The following LPP variants were observed in gnomAD, a reference collection of about 807,000 sequenced individuals.
The protein encoded by LPP is LIM domain containing preferred translocation partner in lipoma.
LPP carries 38 observed loss-of-function variants against 60.4 expected under a neutral mutation model. The observed-to-expected ratio is 0.63, with a 90% CI of 0.49 to 0.83. The LOEUF is 0.83. Among genes scored for constraint, LPP ranks in the 40% least tolerant of loss-of-function variants. The probability of loss-of-function intolerance (pLI) is 0.00; values close to 1 mark genes in which losing one functional copy is unlikely to be tolerated. For synonymous variants in LPP, 328 were observed against 290.8 expected (o/e 1.13, Z -1.30); for missense variants, 902 against 783.6 (o/e 1.15, Z -1.80).
intron 7 of LPP, among the ~76,000 whole-genome samples, chr3:188,624,560 A>G (rs1846402232): frequency 6.6e-6 from 1 of 152,180 alleles, no homozygotes; most frequent in African/African-American, 2.4e-5. Flanking sequence ...AGAACCATGG[A>G]AGTGCGAACC....
intron 2 of LPP, among the ~76,000 whole-genome samples, chr3:188,287,454 C>T (rs1377277879): frequency 3.3e-5 from 5 of 152,156 alleles, no homozygotes; most frequent in Admixed American, 3.3e-4. Context: ...ATTCTCAATT[C>T]CCTGCTCTTT....
intron 7 of LPP, among the ~76,000 whole-genome samples, chr3:188,658,704 A>T (rs1239824745): frequency 6.6e-6 from 1 of 152,052 alleles, no homozygotes; most frequent in East Asian, 1.9e-4. Context: ...AGAGCTTCCT[A>T]CTCTGGGAAG....
intron 7 of LPP, among the ~76,000 whole-genome samples, chr3:188,636,798 G>C (rs191296992): frequency 6.6e-6 from 1 of 151,720 alleles, no homozygotes; most frequent in Non-Finnish European, 1.5e-5. Flanking sequence ...GCAGGGGCAC[G>C]CTGACACCTC....
At chr3:188,284,021 C>G (rs991649114) in intron 2 of LPP, among the ~76,000 whole-genome samples, 2 of 151,928 alleles carry the variant, frequency 1.3e-5, no homozygotes, top group Non-Finnish European at 2.9e-5. Flanking sequence ...AAGAGCTCCT[C>G]CTATGAAAGC....
rs532395549 is a variant in LPP at position 188,292,736 on chromosome 3, A to T, written c.-66-48927A>T. Among the ~76,000 whole-genome samples, 6 of 152,288 alleles carry T rather than the reference A, an allele frequency of 3.9e-5. No individual in the cohort carries two copies. In the East Asian group the frequency reaches 1.2e-3, roughly 29 times the overall value. ...ACACTACATGGTTTCTTAGGTGGCA[A>T]TTCTCAGTGAATTACCAGCTTCCTG... On this transcript the variant is annotated intron_variant, in intron 2 of 11. Coordinates refer to ENST00000617246, the MANE Select transcript of LPP (RefSeq NM_001375462.1).
At chr3:188,317,082 A>C (rs1028177603) in intron 2 of LPP, among the ~76,000 whole-genome samples, 1 of 152,184 alleles carries the variant, frequency 6.6e-6, no homozygotes, top group East Asian at 1.9e-4. Flanking sequence ...CTGGGTGCCA[A>C]TGGTGTTTCT....
intron 10 of LPP, among the ~76,000 whole-genome samples, chr3:188,867,732 G>A (rs1436674317): frequency 6.6e-6 from 1 of 152,088 alleles, no homozygotes; most frequent in Non-Finnish European, 1.5e-5. Context: ...GTGTTTGCTG[G>A]GCAGTGGCTT....
chr3:188,317,904 A>T (rs1035038353), intron 2 of LPP, among the ~76,000 whole-genome samples: 1 of 152,206 alleles, frequency 6.6e-6, no homozygotes, highest in African/African-American at 2.4e-5. Context: ...GAGTGAGGGC[A>T]TGTGATCGTG....
intron 2 of LPP, among the ~76,000 whole-genome samples, chr3:188,233,733 T>A (rs1720901796): frequency 6.6e-6 from 1 of 152,230 alleles, no homozygotes; most frequent in East Asian, 1.9e-4. Flanking sequence ...CTTCTACTCC[T>A]GTTTAAATCT....
chr3:188,754,763 A>G (rs1304232153), intron 8 of LPP, among the ~76,000 whole-genome samples: 1 of 152,296 alleles, frequency 6.6e-6, no homozygotes, highest in African/African-American at 2.4e-5. Context: ...CTATTATTAC[A>G]TGCATCAATA....
chr3:188,203,555 A>G (rs1298109121), intron 1 of LPP, among the ~76,000 whole-genome samples: 1 of 101,130 alleles, frequency 9.9e-6, no homozygotes, highest in Non-Finnish European at 1.8e-5. Context: ...ATATATTTTT[A>G]AATATATATA....
intron 7 of LPP, among the ~76,000 whole-genome samples, chr3:188,683,064 G>A (rs558005261): frequency 1.3e-5 from 2 of 152,216 alleles, no homozygotes; most frequent in East Asian, 3.9e-4. Context: ...TTCATCTAAA[G>A]TCCATTTGGG....
intron 9 of LPP, among the ~76,000 whole-genome samples, chr3:188,821,560 C>G (rs1309703829): frequency 6.6e-6 from 1 of 151,832 alleles, no homozygotes; most frequent in Non-Finnish European, 1.5e-5. Context: ...TAACCTTTTT[C>G]TTTTGCTTTT....
chr3:188,235,455 A>C (rs1721557609), intron 2 of LPP, among the ~76,000 whole-genome samples: 1 of 152,144 alleles, frequency 6.6e-6, no homozygotes, highest in South Asian at 2.1e-4. Context: ...GGTGGGGATA[A>C]AATGTTATAC....
At chr3:188,242,136 T>C (rs2149477670) in intron 2 of LPP, among the ~76,000 whole-genome samples, 1 of 152,312 alleles carries the variant, frequency 6.6e-6, no homozygotes, top group South Asian at 2.1e-4. Flanking sequence ...AGGAATCCAC[T>C]AAATCCTTAA....
chr3:188,492,494 G>A (rs900596062), intron 5 of LPP, among the ~76,000 whole-genome samples: 4 of 152,122 alleles, frequency 2.6e-5, no homozygotes, highest in Admixed American at 1.3e-4. Context: ...CAAGGAGTTC[G>A]AGACCAGCCT....
chr3:188,747,406 A>G (rs1726589334), intron 8 of LPP, among the ~76,000 whole-genome samples: 1 of 152,222 alleles, frequency 6.6e-6, no homozygotes, highest in Admixed American at 6.5e-5. Context: ...GGTAGCAAAG[A>G]AGGATGACTA....
intron 2 of LPP, among the ~76,000 whole-genome samples, chr3:188,241,827 C>T (rs1485107781): frequency 6.6e-6 from 1 of 151,986 alleles, no homozygotes; most frequent in Non-Finnish European, 1.5e-5. Flanking sequence ...CCTATAACTT[C>T]AAAGAGTAAT....
chr3:188,494,752 G>A (rs1472107374), intron 5 of LPP, among the ~76,000 whole-genome samples: 2 of 151,898 alleles, frequency 1.3e-5, no homozygotes, highest in African/African-American at 2.4e-5. Context: ...GGCTTCCTGG[G>A]TACACATCTG....
Sources: allele counts gnomAD v4.1 joint callset (sites outside exome capture counted in the v4.1 genomes callset), GRCh38; gene constraint gnomAD v4.1.1; transcripts MANE v1.5; gene names NCBI Gene and HGNC (gene_info 2026-07-23, HGNC 2026-07-21).